SBNO1: variants seen among roughly 807,000 people sequenced by gnomAD.
The protein encoded by SBNO1 is strawberry notch homolog 1, also known as protein strawberry notch homolog 1.
In SBNO1, 23 loss-of-function variants were observed where a neutral mutation model predicts 173.6. That is an observed-to-expected ratio of 0.13 (90% confidence interval 0.10 to 0.19). The LOEUF is 0.19. Among genes scored for constraint, SBNO1 ranks in the 10% least tolerant of loss-of-function variants. The pLI is 1.00. For synonymous variants in SBNO1, 632 were observed against 571.5 expected (o/e 1.11, Z -1.51); for missense variants, 1,238 against 1,671.2 (o/e 0.74, Z 4.52).
intron 30 of SBNO1, among the ~76,000 whole-genome samples, chr12:123,300,633 G>C (rs566866982): frequency 6.6e-6 from 1 of 151,774 alleles, no homozygotes; most frequent in Non-Finnish European, 1.5e-5. Context: ...ACTCCAGCCT[G>C]GGTGACAGAG....
At chr12:123,303,922 CTTTTTTTTT>C (rs11413728) in intron 29 of SBNO1, among the ~76,000 whole-genome samples, 4 of 100,464 alleles carry the variant, frequency 4.0e-5, no homozygotes, top group Non-Finnish European at 5.3e-5. Flanking sequence ...AATAAGTATT[CTTTTTTTTT>C]TTTTTTTTTT....
chr12:123,324,154 G>A (rs986887851), intron 15 of SBNO1, among the ~76,000 whole-genome samples: 7 of 152,054 alleles, frequency 4.6e-5, no homozygotes, highest in African/African-American at 1.7e-4. Flanking sequence ...TTTCTCTTAA[G>A]GAGTCTTTGA....
chr12:123,336,209 G>A (rs1170710333), intron 6 of SBNO1, among the ~76,000 whole-genome samples, 186 bp downstream of exon 6: 1 of 151,946 alleles, frequency 6.6e-6, no homozygotes, highest in Non-Finnish European at 1.5e-5. Flanking sequence ...AATTACCTTT[G>A]ATTTTTATAA....
At chr12:123,331,708 A>G (rs1871229523) in intron 7 of SBNO1, among the ~76,000 whole-genome samples, 1 of 151,842 alleles carries the variant, frequency 6.6e-6, no homozygotes, top group African/African-American at 2.4e-5. Flanking sequence ...TTTTTAGTAG[A>G]AACGGGTTTC....
chr12:123,317,350 C>A lies in SBNO1; in HGVS notation c.2806G>T (p.Ala936Ser). 6.2e-7 allele frequency: 1 copy of A among 1,613,980 alleles called. No homozygotes were observed. The highest frequency in any genetic ancestry group is 1.1e-5 in the South Asian group (1 of 91,080). ...QRFMDGDKNI[A>S]IISEAASSGI... is the part of the protein sequence containing the mutation. ...GAGCTGGCAGCTTCTGAGATGATAG[C>A]AATATTCTGTGTCAAATATAAGAAA... Residue 936 changes from alanine to serine, a missense_variant, in exon 21 of 32, where the codon GCT becomes TCT. This residue lies in a region of SBNO1 where 45 missense variants were observed against 85.5 expected (regional missense o/e 0.53). Coordinates refer to ENST00000602398, the MANE Select transcript of SBNO1 (RefSeq NM_001167856.3).
At chr12:123,307,234 A>G (rs1418846445) in intron 28 of SBNO1, among the ~76,000 whole-genome samples, 3 of 152,028 alleles carry the variant, frequency 2.0e-5, no homozygotes, top group Non-Finnish European at 4.4e-5. Context: ...CAACTCAACT[A>G]GGAGCCAGAT....
intron 30 of SBNO1, among the ~76,000 whole-genome samples, chr12:123,299,574 G>T (rs1345343606): frequency 6.6e-6 from 1 of 151,324 alleles, no homozygotes; most frequent in African/African-American, 2.4e-5. Context: ...CCAGCTACTC[G>T]GGAGGCTGAG....
chr12:123,312,926 G>A (rs903686560), intron 24 of SBNO1, among the ~76,000 whole-genome samples: 1 of 151,952 alleles, frequency 6.6e-6, no homozygotes, highest in African/African-American at 2.4e-5. Flanking sequence ...ATTTGGGGCT[G>A]GGCACGGTAG....
intron 1 of SBNO1, among the ~76,000 whole-genome samples, chr12:123,356,901 T>C (rs932098793): frequency 6.6e-6 from 1 of 152,210 alleles, no homozygotes; most frequent in Non-Finnish European, 1.5e-5. Context: ...CCTTAGCTAA[T>C]AACAAAAAGG....
In SBNO1 at chr12:123,301,201, T is replaced by C. The variant is rs2048780989; in HGVS notation, c.3845+1623A>G. On this transcript the variant is annotated intron_variant, in intron 30 of 31. Transcript: ENST00000602398. The stretch of plus-strand genomic sequence containing the variant: ...TTTTTTATTTTTAGTAGAGACGTGG[T>C]TTCACCATGTTGGCCAGGCTGGTCT... 2.0e-5 allele frequency among the ~76,000 whole-genome samples: 3 copies of C among 152,168 alleles called. No homozygotes were observed. The South Asian group carries it at 6.2e-4, about 32-fold the overall frequency.
In SBNO1 at chr12:123,319,893, A is replaced by G. The variant is rs1869758421; in HGVS notation, c.2799+7T>C. 1 of 1,613,388 alleles carries G rather than the reference A, an allele frequency of 6.2e-7. No individual in the cohort carries two copies. Among genetic ancestry groups the G allele is most frequent in the Admixed American group, 1.7e-5 (1 of 59,966 alleles). ...TTTTCACTGAGAAGCATCTCAGTAA[A>G]ACATACCTTATCTCCATCCATAAAT... On this transcript the variant is annotated splice_region_variant and intron_variant, in intron 20 of 31. Transcript: ENST00000602398.
intron 1 of SBNO1, among the ~76,000 whole-genome samples, chr12:123,359,281 C>G (rs1057472909): frequency 6.8e-6 from 1 of 147,532 alleles, no homozygotes; most frequent in Middle Eastern, 3.4e-3. Flanking sequence ...AGTGCGGTGG[C>G]TCACTCCTGT....
intron 1 of SBNO1, among the ~76,000 whole-genome samples, chr12:123,355,241 G>A (rs1000387224): frequency 5.3e-5 from 8 of 151,986 alleles, no homozygotes; most frequent in African/African-American, 1.7e-4. Flanking sequence ...GGATGGTCTC[G>A]ATCTACTGAC....
chr12:123,336,953 C>G (rs1243735953), intron 5 of SBNO1, among the ~76,000 whole-genome samples: 3 of 152,186 alleles, frequency 2.0e-5, no homozygotes, highest in Non-Finnish European at 4.4e-5. Flanking sequence ...CAAGGCCTCT[C>G]AGTCTCACAT....
intron 31 of SBNO1, among the ~76,000 whole-genome samples, chr12:123,297,412 A>C: frequency 7.0e-6 from 1 of 143,404 alleles, no homozygotes. Flanking sequence ...AAAAAAAAAA[A>C]AAAAAAAAAA....
chr12:123,311,704 CTATCTATCTATCTATCTATATATATA>C (rs1292510432), intron 24 of SBNO1, among the ~76,000 whole-genome samples: 7 of 60,494 alleles, frequency 1.2e-4, no homozygotes, highest in Non-Finnish European at 2.2e-4. Context: ...ATCTATCTAT[CTATCTATCTATCTATCTATATATATA>C]TATATATATA....
intron 4 of SBNO1, 28 bp from the exon 5 acceptor site, chr12:123,341,116 T>C (rs770763791): frequency 3.9e-6 from 5 of 1,284,522 alleles, no homozygotes; most frequent in Non-Finnish European, 5.5e-6. Flanking sequence ...AAATTACATT[T>C]AGAAGAAAAT....
In SBNO1 at chr12:123,309,795, A is replaced by G. The variant is rs1451746139; in HGVS notation, c.3357T>C (p.Asn1119=). Residue 1119 remains asparagine (N), a synonymous_variant, in exon 26 of 32, where the codon AAT becomes AAC. Coordinates refer to ENST00000602398, the MANE Select transcript of SBNO1 (RefSeq NM_001167856.3). ...TGTCCGCAAAATACTGAAATAACGCATTCTGCTGATGCACCTCCATGCCTA... is the reference window on the plus strand; with the variant it reads ...TGTCCGCAAAATACTGAAATAACGCGTTCTGCTGATGCACCTCCATGCCTA... ...RILGMEVHQQ[N]ALFQYFADTL... 6.2e-7 allele frequency: 1 copy of G among 1,612,378 alleles called. No individual in the cohort carries two copies. The highest frequency in any genetic ancestry group is 8.5e-7 in the Non-Finnish European group (1 of 1,178,930).
At chr12:123,318,205 C>G (rs912405292) in intron 20 of SBNO1, among the ~76,000 whole-genome samples, 1 of 152,062 alleles carries the variant, frequency 6.6e-6, no homozygotes, top group African/African-American at 2.4e-5. Context: ...TTTGAGAGGC[C>G]GAGGCAGACG....
Sources: gnomAD v4.1 joint callset for allele counts (sites outside exome capture counted in the v4.1 genomes callset) on GRCh38, gnomAD v4.1.1 for gene constraint, gnomAD v4.1.1 regional missense constraint, MANE v1.5 for transcripts, NCBI Gene and HGNC (gene_info 2026-07-23, HGNC 2026-07-21) for gene names.